The following SLC3A2 variants were observed in gnomAD, a reference collection of about 807,000 sequenced individuals.
The protein encoded by SLC3A2 is amino acid transporter heavy chain SLC3A2.
A neutral mutation model predicts 48.5 loss-of-function variants in SLC3A2; 32 were observed. The ratio of observed to expected loss-of-function variants is 0.66; its 90% CI spans 0.50 to 0.89. SLC3A2 has a LOEUF of 0.89. SLC3A2 is among the 40% of genes least tolerant of loss of function. The pLI, the probability that SLC3A2 is intolerant of heterozygous loss-of-function variation, is 0.00. For missense variants in SLC3A2, 587 were observed against 680.7 expected (o/e 0.86, Z 1.53); for synonymous variants, 277 against 288.8 (o/e 0.96, Z 0.41).
Position 62,881,215 on chromosome 11 carries a change from C to T in SLC3A2, c.192C>T (p.Ser64=), listed in dbSNP as rs780224555. ...AAAAAKFTGL[S]KEELLKVAGS... The stretch of plus-strand genomic sequence containing the variant: ...CCGCGGCTAAGTTCACGGGCCTGTC[C>T]AAGGAGGAGCTGCTGAAGGTGGCAG... The change falls in exon 1 of 9, where the codon TCC becomes TCT. Residue 64 remains serine, a synonymous_variant. Transcript: ENST00000338663. The surrounding 1 kb of genome is among the most constrained non-coding windows in gnomAD (Gnocchi z 4.0). 1 of 1,588,472 alleles carries T rather than the reference C, an allele frequency of 6.3e-7. No homozygotes were observed. The highest frequency in any genetic ancestry group is 2.3e-5 in the East Asian group (1 of 44,044).
At position 62,886,836 on chromosome 11, in the gene SLC3A2, C is replaced by A. The variant is rs535150014; in HGVS notation, c.1143+1228C>A. 5.3e-5 allele frequency among the ~76,000 whole-genome samples: 8 copies of A among 152,150 alleles called. No homozygotes were observed. In the South Asian group the frequency reaches 1.5e-3, roughly 28 times the overall value. On this transcript the variant is annotated intron_variant, in intron 7 of 8. Transcript: ENST00000338663. ...CTGGTCTCCAACTCCTGGGCTCAAT[C>A]GCTCTGCCTGCCCTGATCTCCCAAA...
intron 7 of SLC3A2, 39 bp downstream of exon 7, chr11:62,885,647 A>G: frequency 6.2e-7 from 1 of 1,607,254 alleles, no homozygotes; most frequent in Non-Finnish European, 8.5e-7. Context: ...GAGGTTGTTT[A>G]TCCATCTTAC....
Position 62,866,535 on chromosome 11 carries a change from A to C in SLC3A2, c.112+10154A>C, listed in dbSNP as rs540053090. 1.1e-4 allele frequency among the ~76,000 whole-genome samples: 17 copies of C among 152,130 alleles called. No homozygotes were observed. The South Asian group carries it at 3.5e-3, about 32-fold the overall frequency. ...CTCAGCCTCCCAAGTAGCTGGGATT[A>C]CAGGTGTGTGCCACCAAACCTGGCT... On this transcript the variant is annotated intron_variant, in intron 1 of 9. Transcript: ENST00000377889.
In SLC3A2 at chr11:62,888,740, C is replaced by A; in HGVS notation, c.*47C>A. On this transcript the variant is annotated 3_prime_UTR_variant, in exon 9 of 9. Coordinates refer to ENST00000338663, the MANE Select transcript of SLC3A2 (RefSeq NM_001013251.3). ...CTACCCTTCTCCTTTCCTTCCCAGG[C>A]CCTTTGGCTTCTGATTTTTCTCTTT... The A allele has an allele frequency of 6.8e-7, 1 of 1,479,568 alleles. No individual in the cohort carries two copies. The highest frequency in any genetic ancestry group is 9.0e-7 in the Non-Finnish European group (1 of 1,108,320). 91.7% of individuals were successfully genotyped at this position (1,479,568 alleles called of 1,614,324 possible).
intron 1 of SLC3A2, chr11:62,870,722 A>T (rs1362850919): frequency 1.9e-5 from 3 of 156,232 alleles, no homozygotes; most frequent in African/African-American, 2.6e-5. Context: ...TATTATTATT[A>T]TTATTTTTTT....
At chr11:62,856,479 C>G (rs2085325062) in intron 1 of SLC3A2, 1 of 1,083,142 alleles carries the variant, frequency 9.2e-7, no homozygotes, top group Non-Finnish European at 1.3e-6. Context: ...AAGACAGGAT[C>G]TGATTTTTTC....
intron 1 of SLC3A2, among the ~76,000 whole-genome samples, chr11:62,861,867 T>G (rs2085401739): frequency 7.1e-6 from 1 of 139,966 alleles, no homozygotes; most frequent in Non-Finnish European, 1.5e-5. Flanking sequence ...GCTGAGATCG[T>G]GCCACTGCAC....
chr11:62,884,646 C>G lies in SLC3A2; in HGVS notation c.774C>G (p.Phe258Leu), dbSNP rs1447840225. The G allele has an allele frequency of 1.9e-6, 3 of 1,610,054 alleles. No homozygotes were observed. Among genetic ancestry groups the G allele is most frequent in the South Asian group, 2.2e-5 (2 of 90,868 alleles). ...TTTCTTTCTAGGATGCATCCTCATT[C>G]TTGGCTGAGTGGCAAAATATCACCA... ...DIENLKDASS[F>L]LAEWQNITKG... is the part of the protein sequence containing the mutation. The change falls in exon 5 of 9, where the codon TTC (phenylalanine) becomes TTG (leucine). Residue 258 changes from phenylalanine (F) to leucine (L), a missense_variant. Phe to Leu is a conservative substitution (Grantham distance 22, BLOSUM62 0). Transcript: ENST00000338663.
Position 62,881,401 on chromosome 11 carries a change from C to T in SLC3A2, c.378C>T (p.Ile126=), listed in dbSNP as rs1462185409. 3.1e-6 allele frequency: 5 copies of T among 1,595,374 alleles called. No homozygotes were observed. Among genetic ancestry groups the T allele is most frequent in the Middle Eastern group, 2.2e-4 (1 of 4,480 alleles). ...GGCACACGGGCGCCCTCTACCGCAT[C>T]GGCGACCTTCAGGCCTTCCAGGGCC... ...KWWHTGALYR[I]GDLQAFQGHG... The change falls in exon 1 of 9, where the codon ATC becomes ATT. Residue 126 remains isoleucine (I), a synonymous_variant. Coordinates refer to ENST00000338663, the MANE Select transcript of SLC3A2 (RefSeq NM_001013251.3). The surrounding 1 kb of genome is among the most constrained non-coding windows in gnomAD (Gnocchi z 4.0).
Position 62,880,918 on chromosome 11 carries a change from C to T in SLC3A2, c.-106C>T, listed in dbSNP as rs543147749. The T allele has an allele frequency of 5.5e-6, 8 of 1,460,188 alleles. No individual in the cohort carries two copies. Among genetic ancestry groups the T allele is most frequent in the East Asian group, 2.4e-5 (1 of 42,078 alleles). The allele number at this position is 1,460,188 out of a possible 1,614,324, so 90.5% of individuals were successfully genotyped here. On this transcript the variant is annotated 5_prime_UTR_variant, in exon 1 of 9. Transcript: ENST00000338663. Reference sequence around the variant, plus strand: ...AGCAGATGCAGTAGCCGAAACTGCGCGGAGGCACAGAGGCCGGGGAGAGCG... The same window carrying T: ...AGCAGATGCAGTAGCCGAAACTGCGTGGAGGCACAGAGGCCGGGGAGAGCG...
chr11:62,878,501 T>C (rs2085592810), upstream of SLC3A2, among the ~76,000 whole-genome samples: 1 of 151,866 alleles, frequency 6.6e-6, no homozygotes, highest in Non-Finnish European at 1.5e-5. Flanking sequence ...AGTCTTGCTC[T>C]GTATCCCAGG....
intron 1 of SLC3A2, among the ~76,000 whole-genome samples, chr11:62,858,061 C>A (rs1342713985): frequency 2.0e-5 from 3 of 151,596 alleles, no homozygotes; most frequent in African/African-American, 7.3e-5. Flanking sequence ...GAAAAAAAAA[C>A]CGGGGAGAGT....
chr11:62,869,965 T>C lies in SLC3A2; in HGVS notation c.113-11054T>C, dbSNP rs2085494083. ...GCCCAGCTAATTTTTGTATTTTTAG[T>C]AGAGACGGGGTTTCCCCATGTTGGC... On this transcript the variant is annotated intron_variant, in intron 1 of 9. Coordinates refer to the SLC3A2 transcript ENST00000377889. 1.3e-5 allele frequency among the ~76,000 whole-genome samples: 2 copies of C among 151,442 alleles called. 1 individual carries two copies. The highest frequency in any genetic ancestry group is 4.2e-4 in the South Asian group (2 of 4,806).
chr11:62,869,804 T>C (rs2085492415), intron 1 of SLC3A2, among the ~76,000 whole-genome samples: 1 of 150,948 alleles, frequency 6.6e-6, no homozygotes, highest in Admixed American at 6.6e-5. Context: ...TTTTTTTGAG[T>C]TGGAGTCTTG....
At chr11:62,879,232 T>G (rs1229953494), upstream of SLC3A2, among the ~76,000 whole-genome samples, 1 of 152,190 alleles carries the variant, frequency 6.6e-6, no homozygotes, top group African/African-American at 2.4e-5. Flanking sequence ...ATTACAGGTG[T>G]GAGCCACCAC....
intron 1 of SLC3A2, among the ~76,000 whole-genome samples, chr11:62,858,671 T>C (rs1025328779): frequency 1.3e-5 from 2 of 152,178 alleles, no homozygotes; most frequent in Non-Finnish European, 2.9e-5. Flanking sequence ...CGCCAGCCTC[T>C]GAGTTCCCTT....
At chr11:62,885,108 GGCGTGA>G in intron 5 of SLC3A2, 63 bp from the exon 6 acceptor site, 2 of 1,549,292 alleles carry the variant, frequency 1.3e-6, no homozygotes, top group Non-Finnish European at 1.8e-6. Flanking sequence ...TGGGATTACA[GGCGTGA>G]GCCACTGCGC....
chr11:62,857,831 G>A (rs2134966199), intron 1 of SLC3A2, among the ~76,000 whole-genome samples: 1 of 152,148 alleles, frequency 6.6e-6, no homozygotes, highest in South Asian at 2.1e-4. Context: ...GAGTGTCTGG[G>A]CCTGAAAGGG....
rs1302405372 is a variant in SLC3A2 at position 62,881,697 on chromosome 11, C to T, written c.425-196C>T. ...TCCTCCTTCCCCGCGGCGCCAGAAGCCAGTTGCAACCGGTTTCTGAAGTAA... is the reference window on the plus strand; with the variant it reads ...TCCTCCTTCCCCGCGGCGCCAGAAGTCAGTTGCAACCGGTTTCTGAAGTAA... On this transcript the variant is annotated intron_variant, in intron 1 of 8. Coordinates refer to ENST00000338663, the MANE Select transcript of SLC3A2 (RefSeq NM_001013251.3). This position sits in a 1 kb window ranked among gnomAD's most constrained non-coding sequence, Gnocchi z 4.0. 4 of 826,844 alleles carry T rather than the reference C, an allele frequency of 4.8e-6. No individual in the cohort carries two copies. The South Asian group carries it at 5.6e-5, about 12-fold the overall frequency. 51.2% of individuals were successfully genotyped at this position (826,844 alleles called of 1,614,324 possible).
Sources: gnomAD v4.1 joint callset for allele counts (sites outside exome capture counted in the v4.1 genomes callset) on GRCh38, gnomAD v4.1.1 for gene constraint, Gnocchi (gnomAD v3.1) non-coding constraint, MANE v1.5 for transcripts, NCBI Gene and HGNC (gene_info 2026-07-23, HGNC 2026-07-21) for gene names.